CSMD1: variants seen among roughly 807,000 people sequenced by gnomAD.
CSMD1 encodes CUB and Sushi multiple domains 1.
A neutral mutation model predicts 417.5 loss-of-function variants in CSMD1; 213 were observed. The observed-to-expected ratio is 0.51, with a 90% CI of 0.46 to 0.57. The LOEUF (loss-of-function observed/expected upper bound fraction) is 0.57. Ranked by LOEUF, CSMD1 falls within the 20% of genes least tolerant of loss-of-function variation. The pLI is 0.00. For synonymous variants in CSMD1, 2,862 were observed against 1,736.8 expected, an observed-to-expected ratio of 1.65 and a Z score of -16.11; for missense variants, 6,923 against 4,529.7, an observed-to-expected ratio of 1.53 and a Z score of -15.17.
chr8:3,899,439 G>A (rs192619079), intron 5 of CSMD1, among the ~76,000 whole-genome samples: 13 of 152,294 alleles, frequency 8.5e-5, no homozygotes, highest in South Asian at 2.1e-4. Context: ...GGGATTGTAC[G>A]TGGGGAGATG....
chr8:4,118,414 A>T (rs888588976), intron 3 of CSMD1, among the ~76,000 whole-genome samples: 4 of 149,736 alleles, frequency 2.7e-5, no homozygotes, highest in African/African-American at 7.4e-5. Context: ...AAAAAAAAAA[A>T]TCAAAAAGTA....
chr8:3,982,920 A>T (rs886579039), intron 5 of CSMD1, among the ~76,000 whole-genome samples: 2 of 152,180 alleles, frequency 1.3e-5, no homozygotes, highest in African/African-American at 4.8e-5. Flanking sequence ...TGAAAAATAG[A>T]TATTGTTATA....
intron 3 of CSMD1, among the ~76,000 whole-genome samples, chr8:4,387,327 C>T (rs892503969): frequency 1.3e-4 from 19 of 151,428 alleles, no homozygotes; most frequent in African/African-American, 4.1e-4. Flanking sequence ...AACAATTTAC[C>T]GTAAGTGACA....
At chr8:4,668,525 C>T (rs1340707259) in intron 1 of CSMD1, among the ~76,000 whole-genome samples, 8 of 151,146 alleles carry the variant, frequency 5.3e-5, no homozygotes, top group African/African-American at 1.9e-4. Flanking sequence ...TCTCAGCTCA[C>T]TGCAAGCTCC....
At chr8:4,177,745 G>T (rs1798131955) in intron 3 of CSMD1, among the ~76,000 whole-genome samples, 1 of 150,760 alleles carries the variant, frequency 6.6e-6, no homozygotes, top group Middle Eastern at 3.4e-3. Flanking sequence ...TGATAAAGGG[G>T]ATATCACCAC....
chr8:4,084,079 T>C (rs946692877), intron 3 of CSMD1, among the ~76,000 whole-genome samples: 1 of 152,088 alleles, frequency 6.6e-6, no homozygotes, highest in African/African-American at 2.4e-5. Flanking sequence ...TACATGAAAA[T>C]GGCTAGTAAT....
rs185570867 is a variant in CSMD1 at position 4,034,417 on chromosome 8, T to G, written c.416-2318A>C. Among the ~76,000 whole-genome samples the G allele has an allele frequency of 1.5e-3, 226 of 152,372 alleles. 1 individual carries two copies. Among genetic ancestry groups the G allele is most frequent in the Non-Finnish European group, 2.4e-3 (164 of 68,038 alleles). ...GAAAACACAACAGAAAATAGTTCACTATTGTCTGCAATCATTTTTGTCTTT... is the reference window on the plus strand; with the variant it reads ...GAAAACACAACAGAAAATAGTTCACGATTGTCTGCAATCATTTTTGTCTTT... On this transcript the variant is annotated intron_variant, in intron 3 of 69. Coordinates refer to ENST00000635120, the MANE Select transcript of CSMD1 (RefSeq NM_033225.6).
chr8:4,826,079 T>A lies in CSMD1; in HGVS notation c.85+168253A>T, dbSNP rs117158136. Among the ~76,000 whole-genome samples the A allele has an allele frequency of 4.0e-3, 605 of 152,090 alleles. 15 individuals are homozygous for A. In the South Asian group the frequency reaches 0.048, roughly 12 times the overall value. On this transcript the variant is annotated intron_variant, in intron 1 of 69. Coordinates refer to ENST00000635120, the MANE Select transcript of CSMD1 (RefSeq NM_033225.6). ...GCCATTGTGGAAAACAATATGGAGT[T>A]TCCTCAAAAAATTAAAAATTGAATT... is the stretch of plus-strand genomic sequence containing the variant.
At chr8:4,771,512 C>G (rs1485899047) in intron 1 of CSMD1, among the ~76,000 whole-genome samples, 1 of 152,190 alleles carries the variant, frequency 6.6e-6, no homozygotes, top group African/African-American at 2.4e-5. Flanking sequence ...ATTACTGATT[C>G]ATTTAGAAGT....
At chr8:4,311,118 C>A (rs1402122779) in intron 3 of CSMD1, among the ~76,000 whole-genome samples, 1 of 152,198 alleles carries the variant, frequency 6.6e-6, no homozygotes, top group East Asian at 1.9e-4. Flanking sequence ...AGAAGCTGAA[C>A]TGCCACTCAA....
intron 11 of CSMD1, among the ~76,000 whole-genome samples, chr8:3,471,657 T>C (rs1384572849): frequency 7.2e-6 from 1 of 138,650 alleles, no homozygotes; most frequent in Non-Finnish European, 1.6e-5. Flanking sequence ...CTCTCCTTCC[T>C]TCCTTTCCCT....
intron 3 of CSMD1, among the ~76,000 whole-genome samples, chr8:4,065,322 T>C (rs1463215156): frequency 6.6e-6 from 1 of 152,232 alleles, no homozygotes; most frequent in Non-Finnish European, 1.5e-5. Context: ...AACTTTTACA[T>C]TTAACCAGAA....
intron 26 of CSMD1, among the ~76,000 whole-genome samples, chr8:3,231,713 T>C (rs746733793): frequency 6.6e-5 from 10 of 152,146 alleles, no homozygotes; most frequent in Non-Finnish European, 1.5e-4. Context: ...CTCTATCCAA[T>C]AGTGTCATAT....
At chr8:3,751,772 T>C (rs1295536992) in intron 6 of CSMD1, among the ~76,000 whole-genome samples, 20 of 152,278 alleles carry the variant, frequency 1.3e-4, no homozygotes, top group Non-Finnish European at 2.9e-5. Flanking sequence ...TTCTTTCAAT[T>C]ACAGATACAA....
rs543191621 is a variant in CSMD1 at position 4,698,606 on chromosome 8, T to TTTTG, written c.86-61049_86-61048insCAAA. Among the ~76,000 whole-genome samples the TTTTG allele has an allele frequency of 2.8e-4, 42 of 151,464 alleles. 1 individual carries two copies. The South Asian group carries it at 6.5e-3, about 23-fold the overall frequency. On this transcript the variant is annotated intron_variant, in intron 1 of 69. Transcript: ENST00000635120. Reference sequence around the variant, plus strand: ...CAATGGAAATGATAGAAATTTTTTTTTTTTTGGTTCTAAGGAGCAGGAAGT... The same window carrying TTTTG: ...CAATGGAAATGATAGAAATTTTTTTTTTTGTTTTTGGTTCTAAGGAGCAGGAAGT...
intron 1 of CSMD1, among the ~76,000 whole-genome samples, chr8:4,773,584 T>C (rs10091902): frequency 0.17 from 25,215 of 152,092 alleles, 2,181 homozygotes; most frequent in East Asian, 0.34. Context: ...CTTTCTCGTC[T>C]ATATCAGGAT....
intron 1 of CSMD1, among the ~76,000 whole-genome samples, chr8:4,803,264 T>C (rs547149137): frequency 1.1e-3 from 164 of 152,316 alleles, no homozygotes; most frequent in Middle Eastern, 3.4e-3. Context: ...TACTGAGAAA[T>C]GTTATCCAAA....
intron 2 of CSMD1, among the ~76,000 whole-genome samples, chr8:4,569,656 T>A (rs1392743622): frequency 6.6e-6 from 1 of 151,196 alleles, no homozygotes; most frequent in Non-Finnish European, 1.5e-5. Flanking sequence ...TGACCTTTAG[T>A]TTTTTTCTAA....
chr8:4,675,047 G>T (rs576482908), intron 1 of CSMD1, among the ~76,000 whole-genome samples: 13 of 152,292 alleles, frequency 8.5e-5, no homozygotes, highest in African/African-American at 2.4e-4. Flanking sequence ...AGTGTTGGAC[G>T]CACAGGGCTC....
Sources: gnomAD v4.1 joint callset for allele counts (sites outside exome capture counted in the v4.1 genomes callset) on GRCh38, gnomAD v4.1.1 for gene constraint, MANE v1.5 for transcripts, NCBI Gene and HGNC (gene_info 2026-07-23, HGNC 2026-07-21) for gene names.